LIN52: variants seen among roughly 807,000 people sequenced by gnomAD.
LIN52 encodes the protein lin-52 DREAM MuvB core complex component, also known as protein lin-52 homolog.
In LIN52, 4 loss-of-function variants were observed where a neutral mutation model predicts 18.5. The ratio of observed to expected loss-of-function variants is 0.22; its 90% CI spans 0.11 to 0.49. The LOEUF (loss-of-function observed/expected upper bound fraction) is 0.49. Ranked by LOEUF, LIN52 falls within the 20% of genes least tolerant of loss-of-function variation. The pLI is 0.97. For synonymous variants in LIN52, 34 were observed against 45.5 expected (o/e 0.75, Z 1.02); for missense variants, 102 against 139.5 (o/e 0.73, Z 1.35).
At chr14:74,113,970 CT>C (rs958731216) in intron 5 of LIN52, 126 of 170,806 alleles carry the variant, frequency 7.4e-4, no homozygotes, top group Non-Finnish European at 1.2e-3. Flanking sequence ...TCTTTCTTTT[CT>C]TTTTTTTTTC....
At chr14:74,103,535 C>T (rs988519286) in intron 5 of LIN52, among the ~76,000 whole-genome samples, 5 of 148,574 alleles carry the variant, frequency 3.4e-5, no homozygotes, top group African/African-American at 5.0e-5. Flanking sequence ...CAGGTTCAAG[C>T]GATTCTCCTG....
intron 3 of LIN52, among the ~76,000 whole-genome samples, chr14:74,096,690 C>T (rs1415745523): frequency 6.6e-6 from 1 of 151,946 alleles, no homozygotes; most frequent in Non-Finnish European, 1.5e-5. Context: ...GAATCATCAA[C>T]ATGCAGCTAT....
intron 5 of LIN52, among the ~76,000 whole-genome samples, chr14:74,124,028 C>T (rs1395116663): frequency 1.3e-5 from 2 of 152,082 alleles, no homozygotes; most frequent in African/African-American, 4.8e-5. Context: ...TATGAGTCTT[C>T]ATGATCTTGG....
At chr14:74,187,167 C>T (rs1267916071) in intron 5 of LIN52, among the ~76,000 whole-genome samples, 1 of 152,070 alleles carries the variant, frequency 6.6e-6, no homozygotes, top group Non-Finnish European at 1.5e-5. Context: ...TTTATAATTC[C>T]CATTTTACAG....
intron 5 of LIN52, among the ~76,000 whole-genome samples, chr14:74,194,320 A>G (rs2078897407): frequency 6.6e-6 from 1 of 152,228 alleles, no homozygotes; most frequent in Non-Finnish European, 1.5e-5. Flanking sequence ...TATCGTGGAA[A>G]GTGAGCCAGA....
At chr14:74,164,448 C>A (rs1471355517) in intron 5 of LIN52, among the ~76,000 whole-genome samples, 2 of 151,778 alleles carry the variant, frequency 1.3e-5, no homozygotes, top group East Asian at 1.9e-4. Flanking sequence ...CCATGCCCAG[C>A]TAATTTTTAT....
intron 5 of LIN52, among the ~76,000 whole-genome samples, chr14:74,158,721 G>A (rs1044360855): frequency 5.3e-5 from 8 of 151,200 alleles, no homozygotes; most frequent in African/African-American, 1.5e-4. Flanking sequence ...CAGGTGATCC[G>A]CCCACCTCAG....
chr14:74,186,010 C>T (rs368285949), intron 5 of LIN52, among the ~76,000 whole-genome samples: 14 of 152,150 alleles, frequency 9.2e-5, no homozygotes, highest in East Asian at 7.7e-4. Flanking sequence ...GAACTGAGGC[C>T]GGGCACAGTG....
At chr14:74,111,323 C>G (rs955831535) in intron 5 of LIN52, among the ~76,000 whole-genome samples, 5 of 152,136 alleles carry the variant, frequency 3.3e-5, no homozygotes, top group African/African-American at 9.7e-5. Context: ...GACAGGGTCT[C>G]TGTTGCCCAG....
rs2061209183 is a variant in LIN52 at position 74,158,256 on chromosome 14, G to A, written c.284-40666G>A. On this transcript the variant is annotated intron_variant, in intron 5 of 5. Transcript: ENST00000555028. ...CAGCCTCCCGAGAGCCAGGATTACA[G>A]GTGCGCGTCACATGCCCGGCTAATT... Among the ~76,000 whole-genome samples the A allele has an allele frequency of 2.6e-5, 4 of 151,386 alleles. No individual in the cohort carries two copies. In the Middle Eastern group the frequency reaches 0.01, roughly 389 times the overall value.
chr14:74,160,360 A>G (rs1480354833), intron 5 of LIN52, among the ~76,000 whole-genome samples: 2 of 152,194 alleles, frequency 1.3e-5, no homozygotes, highest in African/African-American at 4.8e-5. Flanking sequence ...AGGATTATTT[A>G]TGGGCCCAAA....
chr14:74,098,315 T>C (rs10134721), intron 4 of LIN52, among the ~76,000 whole-genome samples: 34,066 of 151,704 alleles, frequency 0.22, 4,146 homozygotes, highest in South Asian at 0.46. Context: ...GGTCAGGAGT[T>C]TGAGACCAGA....
intron 5 of LIN52, among the ~76,000 whole-genome samples, chr14:74,117,780 C>T (rs150985359): frequency 8.5e-5 from 13 of 152,086 alleles, no homozygotes; most frequent in East Asian, 3.9e-4. Context: ...TGGAAGGTAG[C>T]GATAATGCAT....
chr14:74,164,522 G>T (rs1442662299), intron 5 of LIN52, among the ~76,000 whole-genome samples: 4 of 152,178 alleles, frequency 2.6e-5, no homozygotes, highest in Admixed American at 2.0e-4. Context: ...CTGACTTCAA[G>T]TGATCCGCCT....
chr14:74,091,447 C>T, intron 2 of LIN52, 141 bp downstream of exon 2: 1 of 580,720 alleles, frequency 1.7e-6, no homozygotes. Context: ...GGGTTGTATA[C>T]AAACTTTAGT....
chr14:74,119,958 C>T (rs2060990024), intron 5 of LIN52, among the ~76,000 whole-genome samples: 1 of 151,926 alleles, frequency 6.6e-6, no homozygotes, highest in African/African-American at 2.4e-5. Flanking sequence ...GCCTCAGCCT[C>T]CCAAGTAGCT....
At chr14:74,126,810 C>T (rs2061032301) in intron 5 of LIN52, among the ~76,000 whole-genome samples, 1 of 152,188 alleles carries the variant, frequency 6.6e-6, no homozygotes, top group South Asian at 2.1e-4. Flanking sequence ...GAACTTGATA[C>T]AAGTGGTGAT....
intron 5 of LIN52, among the ~76,000 whole-genome samples, chr14:74,148,868 G>T (rs2061164434): frequency 6.6e-6 from 1 of 152,162 alleles, no homozygotes; most frequent in South Asian, 2.1e-4. Context: ...ACCCTGCTAA[G>T]CCTAGAAGTG....
At chr14:74,107,526 A>G (rs886619043) in intron 5 of LIN52, among the ~76,000 whole-genome samples, 7 of 152,018 alleles carry the variant, frequency 4.6e-5, no homozygotes, top group African/African-American at 1.7e-4. Flanking sequence ...GGCCTCTCAA[A>G]TTGCCCCTAG....
Sources: allele counts gnomAD v4.1 joint callset (sites outside exome capture counted in the v4.1 genomes callset), GRCh38; gene constraint gnomAD v4.1.1; transcripts MANE v1.5; gene names NCBI Gene and HGNC (gene_info 2026-07-23, HGNC 2026-07-21).